The following ZNF347 variants were observed in gnomAD, a reference collection of about 807,000 sequenced individuals.
ZNF347 encodes the protein zinc finger protein 347, also known as CTD-2620I22.7.
Under a neutral mutation model 12.9 loss-of-function variants are expected in ZNF347, and 19 were observed. That is an observed-to-expected ratio of 1.47 (90% CI 1.03 to 2.16). The LOEUF is 2.16. Among genes scored for constraint, ZNF347 ranks in the 30% most tolerant of loss-of-function variants. The pLI, the probability that ZNF347 is intolerant of heterozygous loss-of-function variation, is 0.00. For missense variants in ZNF347, 1,005 were observed against 990.6 expected (o/e 1.01, Z -0.19); for synonymous variants, 328 against 340.6 (o/e 0.96, Z 0.41).
chr19:53,138,944 C>T lies in ZNF347; in HGVS notation c.*1364G>A, dbSNP rs1328713129. ...ACAAAACAAAAAAAACCATGGTATT[C>T]TGGTTTTTCTGACCAAGCTCTCCAC... On this transcript the variant is annotated 3_prime_UTR_variant, in exon 5 of 5. Transcript: ENST00000334197. 6.6e-6 allele frequency: 1 copy of T among 152,100 alleles called. No individual in the cohort carries two copies. The highest frequency in any genetic ancestry group is 2.4e-5 in the African/African-American group (1 of 41,418). 9.4% of individuals were successfully genotyped at this position (152,100 alleles called of 1,614,324 possible).
At chr19:53,144,497 T>G (rs1057162929) in intron 4 of ZNF347, among the ~76,000 whole-genome samples, 4 of 151,994 alleles carry the variant, frequency 2.6e-5, no homozygotes, top group African/African-American at 7.3e-5. Context: ...AGCAATACAA[T>G]AATATTAGGG....
At chr19:53,150,802 T>C (rs1464407194) in intron 2 of ZNF347, among the ~76,000 whole-genome samples, 1 of 152,178 alleles carries the variant, frequency 6.6e-6, no homozygotes, top group Non-Finnish European at 1.5e-5. Context: ...TGCAGTGGCA[T>C]GATCTCAGTT....
In ZNF347 at chr19:53,149,301, C is replaced by T. The variant is rs752713575; in HGVS notation, c.82G>A (p.Ala28Thr). 45 of 1,613,774 alleles carry T rather than the reference C, an allele frequency of 2.8e-5. 1 individual carries two copies. The Middle Eastern group carries it at 4.9e-4, about 18-fold the overall frequency. ...ACGTCCCTGTACAAAGTCCTCTGAG[C>T]GGGGTCCAGGCATGTCCACTCCTCC... The part of the protein sequence containing the change: ...SQEEWTCLDP[A>T]QRTLYRDVML... The change falls in exon 3 of 5, where the codon GCT becomes ACT. Residue 28 changes from alanine (A) to threonine (T), a missense_variant. Ala to Thr is a moderately conservative substitution (Grantham distance 58, BLOSUM62 0). Transcript: ENST00000334197.
At position 53,141,707 on chromosome 19, in the gene ZNF347, T is replaced by C; in HGVS notation, c.1121A>G (p.Lys374Arg). 1 of 1,614,056 alleles carries C rather than the reference T, an allele frequency of 6.2e-7. No individual in the cohort carries two copies. The highest frequency in any genetic ancestry group is 8.5e-7 in the Non-Finnish European group (1 of 1,179,974). Residue 374 changes from lysine to arginine, a missense_variant, in exon 5 of 5, where the codon AAG (lysine) becomes AGG (arginine). Coordinates refer to ENST00000334197, the MANE Select transcript of ZNF347 (RefSeq NM_032584.3). ...RGIHTGEKPY[K>R]CNECGKAFRA... ...AAAGGCTTTCCCACACTCATTACAC[T>C]TGTAAGGTTTCTCTCCAGTATGAAT...
chr19:53,155,373 C>T (rs1195520437), intron 1 of ZNF347, among the ~76,000 whole-genome samples: 3 of 151,572 alleles, frequency 2.0e-5, no homozygotes, highest in Non-Finnish European at 2.9e-5. Flanking sequence ...CACTCTGTTG[C>T]CCAGGCTAGA....
rs569884598 is a variant in ZNF347 at position 53,149,765 on chromosome 19, C to T, written c.16-398G>A. 5.6e-3 allele frequency among the ~76,000 whole-genome samples: 851 copies of T among 152,202 alleles called. 11 individuals are homozygous for T. Among genetic ancestry groups the T allele is most frequent in the African/African-American group, 0.019 (806 of 41,512 alleles). Reference sequence around the variant, plus strand: ...AAGCAATCGTGCCCACTTAATGAAGCCCCCATAATAACCCGAAAGGACAGG... The same window carrying T: ...AAGCAATCGTGCCCACTTAATGAAGTCCCCATAATAACCCGAAAGGACAGG... On this transcript the variant is annotated intron_variant, in intron 2 of 4. Transcript: ENST00000334197.
chr19:53,137,973 A>G lies in ZNF347; in HGVS notation c.*2335T>C, dbSNP rs1374581640. 6.6e-6 allele frequency: 1 copy of G among 151,390 alleles called. No homozygotes were observed. The highest frequency in any genetic ancestry group is 1.9e-4 in the East Asian group (1 of 5,134). 9.4% of individuals were successfully genotyped at this position (151,390 alleles called of 1,614,324 possible). A position where few individuals can be genotyped will look rare whatever the true frequency, so the allele number is the denominator to read the frequency against. ...GCCACCACATCCAACCAATATATAT[A>G]TATTTGGTATTTTTTAGTAGAGATG... On this transcript the variant is annotated 3_prime_UTR_variant, in exon 5 of 5. Transcript: ENST00000334197.
Position 53,140,278 on chromosome 19 carries a change from T to G in ZNF347, c.*30A>C. On this transcript the variant is annotated 3_prime_UTR_variant, in exon 5 of 5. Transcript: ENST00000334197. ...AGGAATGAATTCTAACTGCAAAAGT[T>G]ACCACCTTCATTTGTAAGGTTTCTC... 1 of 1,515,626 alleles carries G rather than the reference T, an allele frequency of 6.6e-7. No homozygotes were observed. The highest frequency in any genetic ancestry group is 8.8e-7 in the Non-Finnish European group (1 of 1,132,360). The allele number at this position is 1,515,626 out of a possible 1,614,324, so 93.9% of individuals were successfully genotyped here.
In ZNF347 at chr19:53,138,802, T is replaced by C. The variant is rs755370847; in HGVS notation, c.*1506A>G. Reference sequence around the variant, plus strand: ...TGGTACAAAGAATGTGATTTGTTTATAGTTATAAGAAAACGTTGAATTTTT... The same window carrying C: ...TGGTACAAAGAATGTGATTTGTTTACAGTTATAAGAAAACGTTGAATTTTT... On this transcript the variant is annotated 3_prime_UTR_variant, in exon 5 of 5. Coordinates refer to ENST00000334197, the MANE Select transcript of ZNF347 (RefSeq NM_032584.3). 1.1e-4 allele frequency: 16 copies of C among 152,192 alleles called. No homozygotes were observed. The highest frequency in any genetic ancestry group is 3.3e-4 in the Admixed American group (5 of 15,276). 9.4% of individuals were successfully genotyped at this position (152,192 alleles called of 1,614,324 possible).
At chr19:53,142,639 G>A (rs963488973) in intron 4 of ZNF347, 83 bp from the exon 5 acceptor site, 177 of 1,081,738 alleles carry the variant, frequency 1.6e-4, no homozygotes, top group South Asian at 6.3e-4. Flanking sequence ...ATATTACACC[G>A]AAAAACAATA....
intron 4 of ZNF347, among the ~76,000 whole-genome samples, chr19:53,145,468 C>T (rs2090457210): frequency 6.6e-6 from 1 of 151,046 alleles, no homozygotes; most frequent in Admixed American, 6.6e-5. Flanking sequence ...TCTCAGCCCA[C>T]TGCAACCTCC....
intron 2 of ZNF347, among the ~76,000 whole-genome samples, chr19:53,151,986 A>G (rs148721204): frequency 0.043 from 6,245 of 143,594 alleles, 229 homozygotes; most frequent in Middle Eastern, 0.067. Flanking sequence ...CCAGCTACTC[A>G]GGAGGGTGAG....
rs1406084368 is a variant in ZNF347, at chr19:53,135,319, TATATATATATATATATATATAGAGAG to T, written c.*4963_*4988del. ...TTCTAAATATATATATATATATATA[TATATATATATATATATATATAGAGAG>T]AGAGAGAGAGAGAGAGAGAGAGAAA... On this transcript the variant is annotated 3_prime_UTR_variant, in exon 5 of 5. Transcript: ENST00000334197. 21 of 56,126 alleles carry T rather than the reference TATATATATATATATATATATAGAGAG, an allele frequency of 3.7e-4. No homozygotes were observed. Among genetic ancestry groups the T allele is most frequent in the East Asian group, 8.0e-4 (1 of 1,252 alleles). 3.5% of individuals were successfully genotyped at this position (56,126 alleles called of 1,614,324 possible). A position where few individuals can be genotyped will look rare whatever the true frequency, so the allele number is the denominator to read the frequency against.
Position 53,143,802 on chromosome 19 carries a change from C to A in ZNF347, c.272-1246G>T, listed in dbSNP as rs965888548. On this transcript the variant is annotated intron_variant, in intron 4 of 4. Transcript: ENST00000334197. ...GTTCTAGATCCCTGAGGAATCGCCACACTGACTTCCACAATGGTTGAACTA... is the reference window on the plus strand; with the variant it reads ...GTTCTAGATCCCTGAGGAATCGCCAAACTGACTTCCACAATGGTTGAACTA... Among the ~76,000 whole-genome samples the A allele has an allele frequency of 1.5e-4, 23 of 152,238 alleles. No homozygotes were observed. The East Asian group carries it at 4.1e-3, about 27-fold the overall frequency.
At chr19:53,149,759 A>T (rs937667241) in intron 2 of ZNF347, among the ~76,000 whole-genome samples, 13 of 152,128 alleles carry the variant, frequency 8.5e-5, no homozygotes, top group South Asian at 2.1e-4. Context: ...TGCCCACTTA[A>T]TGAAGCCCCC....
At chr19:53,152,638 T>C (rs955877277) in intron 2 of ZNF347, among the ~76,000 whole-genome samples, 11 of 147,460 alleles carry the variant, frequency 7.5e-5, no homozygotes, top group Non-Finnish European at 1.2e-4. Context: ...TATTTAATAA[T>C]TGGTAAAACA....
rs1396017431 is a variant in ZNF347 at position 53,139,150 on chromosome 19, G to A, written c.*1158C>T. On this transcript the variant is annotated 3_prime_UTR_variant, in exon 5 of 5. Transcript: ENST00000334197. ...TCTCATAAAAATTCCAGTGTCCTGA[G>A]GTCTTGGCCTGCTCAATGCAGGTAG... 1.3e-5 allele frequency: 2 copies of A among 152,100 alleles called. No individual in the cohort carries two copies. Among genetic ancestry groups the A allele is most frequent in the East Asian group, 3.8e-4 (2 of 5,200 alleles). The allele number at this position is 152,100 out of a possible 1,614,324, so 9.4% of individuals were successfully genotyped here.
At chr19:53,146,504 C>T (rs565298264) in intron 4 of ZNF347, among the ~76,000 whole-genome samples, 10 of 152,026 alleles carry the variant, frequency 6.6e-5, no homozygotes, top group South Asian at 2.1e-4. Flanking sequence ...TTGAACTCCC[C>T]GCCTCAAGCA....
At position 53,137,543 on chromosome 19, in the gene ZNF347, A is replaced by G. The variant is rs1350098547; in HGVS notation, c.*2765T>C. On this transcript the variant is annotated 3_prime_UTR_variant, in exon 5 of 5. Transcript: ENST00000334197. The stretch of plus-strand genomic sequence containing the variant: ...GCAATACACATTTCCCTAAAACTTC[A>G]TTGTTCAGCATCCTCATTTTCCATA... 6.6e-6 allele frequency: 1 copy of G among 152,190 alleles called. No individual in the cohort carries two copies. Among genetic ancestry groups the G allele is most frequent in the African/African-American group, 2.4e-5 (1 of 41,456 alleles). The allele number at this position is 152,190 out of a possible 1,614,324, so 9.4% of individuals were successfully genotyped here. A position where few individuals can be genotyped will look rare whatever the true frequency, so the allele number is the denominator to read the frequency against.
Sources: allele counts gnomAD v4.1 joint callset (sites outside exome capture counted in the v4.1 genomes callset), GRCh38; gene constraint gnomAD v4.1.1; transcripts MANE v1.5; gene names NCBI Gene and HGNC (gene_info 2026-07-23, HGNC 2026-07-21).